The following FHIT variants were observed in gnomAD, a reference collection of about 807,000 sequenced individuals.
FHIT encodes the protein fragile histidine triad diadenosine triphosphatase, also known as bis(5'-adenosyl)-triphosphatase.
Under a neutral mutation model 17.9 loss-of-function variants are expected in FHIT, and 19 were observed. The observed-to-expected ratio is 1.06, with a 90% CI of 0.74 to 1.56. The LOEUF is 1.56. FHIT is among the 40% of genes most tolerant of loss of function. The pLI is 0.00. For synonymous variants in FHIT, 81 were observed against 69.7 expected (o/e 1.16, Z -0.81); for missense variants, 248 against 189.2 (o/e 1.31, Z -1.82).
At chr3:60,742,029 A>G (rs2042251566) in intron 4 of FHIT, among the ~76,000 whole-genome samples, 1 of 152,122 alleles carries the variant, frequency 6.6e-6, no homozygotes, top group Non-Finnish European at 1.5e-5. Context: ...TGATGCATGA[A>G]CCGTACTTGA....
At chr3:60,766,884 A>C (rs1019565677) in intron 4 of FHIT, among the ~76,000 whole-genome samples, 1 of 152,224 alleles carries the variant, frequency 6.6e-6, no homozygotes, top group African/African-American at 2.4e-5. Flanking sequence ...GTATTTCTAA[A>C]ATTGCATTCC....
intron 4 of FHIT, chr3:60,537,516 CA>C: frequency 1.1e-6 from 1 of 943,390 alleles, no homozygotes; most frequent in Non-Finnish European, 1.3e-6. Context: ...GTAAAATCTC[CA>C]AAATAAAGGA....
chr3:60,578,909 T>C (rs531428703), intron 4 of FHIT, among the ~76,000 whole-genome samples: 1 of 152,274 alleles, frequency 6.6e-6, no homozygotes. Context: ...TCTTCTTTTA[T>C]ATACCATGTC....
At chr3:60,692,668 T>C (rs1295683724) in intron 4 of FHIT, among the ~76,000 whole-genome samples, 1 of 152,130 alleles carries the variant, frequency 6.6e-6, no homozygotes, top group Non-Finnish European at 1.5e-5. Context: ...CTAATATCCA[T>C]CTATTTCAAA....
intron 1 of FHIT, among the ~76,000 whole-genome samples, chr3:61,207,775 G>A (rs1223072096): frequency 6.6e-6 from 1 of 152,028 alleles, no homozygotes; most frequent in Non-Finnish European, 1.5e-5. Flanking sequence ...ACCAGCTCCT[G>A]GATTCATTAA....
At chr3:60,805,625 G>A (rs1329699310) in intron 4 of FHIT, among the ~76,000 whole-genome samples, 1 of 151,830 alleles carries the variant, frequency 6.6e-6, no homozygotes, top group South Asian at 2.1e-4. Context: ...GCGCAATCTC[G>A]GCTCACTGCA....
intron 4 of FHIT, among the ~76,000 whole-genome samples, chr3:60,767,896 C>A (rs1212043061): frequency 6.6e-6 from 1 of 152,316 alleles, no homozygotes; most frequent in East Asian, 1.9e-4. Flanking sequence ...CACTCAGCAG[C>A]AGCTGTCTGT....
At chr3:61,037,737 A>G (rs2033326353) in intron 3 of FHIT, among the ~76,000 whole-genome samples, 1 of 152,208 alleles carries the variant, frequency 6.6e-6, no homozygotes, top group South Asian at 2.1e-4. Context: ...TCATGTGTGC[A>G]TGTCTTTTAT....
rs117807441 is a variant in FHIT, at chr3:59,939,289, C to T, written c.280-16875G>A. 4.6e-5 allele frequency among the ~76,000 whole-genome samples: 7 copies of T among 152,212 alleles called. No homozygotes were observed. The East Asian group carries it at 7.7e-4, about 17-fold the overall frequency. On this transcript the variant is annotated intron_variant, in intron 7 of 9. Coordinates refer to ENST00000492590, the MANE Select transcript of FHIT (RefSeq NM_002012.4). ...TGGAACCCTTCCTAACTTCAGTCTC[C>T]GTGGCTCACACAGACTGGCCATTAA...
At chr3:59,842,322 G>C (rs79473007) in intron 8 of FHIT, among the ~76,000 whole-genome samples, 8,220 of 152,244 alleles carry the variant, frequency 0.054, 272 homozygotes, top group Non-Finnish European at 0.076. Context: ...TGGATACTGA[G>C]TTGCTTCTAC....
intron 5 of FHIT, among the ~76,000 whole-genome samples, chr3:60,505,542 GA>G: frequency 6.6e-6 from 1 of 152,228 alleles, no homozygotes; most frequent in Admixed American, 6.5e-5. Context: ...AACTAATACA[GA>G]CGCACATTCT....
chr3:60,051,058 T>C lies in FHIT; in HGVS notation c.104-36906A>G, dbSNP rs567435114. Among the ~76,000 whole-genome samples, 38 of 152,262 alleles carry C rather than the reference T, an allele frequency of 2.5e-4. 2 individuals are homozygous for C. The South Asian group carries it at 7.7e-3, about 31-fold the overall frequency. ...GGGGACAGCAAAGGAGAAGTAATTA[T>C]AACACGGGGCATCAATGCTCTGCTA... On this transcript the variant is annotated intron_variant, in intron 5 of 9. Coordinates refer to ENST00000492590, the MANE Select transcript of FHIT (RefSeq NM_002012.4).
At chr3:59,918,787 G>A (rs778430818) in intron 8 of FHIT, among the ~76,000 whole-genome samples, 1 of 152,132 alleles carries the variant, frequency 6.6e-6, no homozygotes, top group Non-Finnish European at 1.5e-5. Context: ...TGAGCAATAT[G>A]CCTAACAGCA....
chr3:60,056,508 C>G (rs1405887108), intron 5 of FHIT, among the ~76,000 whole-genome samples: 1 of 152,228 alleles, frequency 6.6e-6, no homozygotes, highest in African/African-American at 2.4e-5. Context: ...TGTACCCAAA[C>G]CATCAGCAGT....
intron 5 of FHIT, among the ~76,000 whole-genome samples, chr3:60,467,283 T>C (rs1027279183): frequency 6.6e-6 from 1 of 151,956 alleles, no homozygotes; most frequent in Admixed American, 6.6e-5. Flanking sequence ...GATTTCTTTT[T>C]TCAAAAAAAC....
intron 5 of FHIT, among the ~76,000 whole-genome samples, chr3:60,014,849 G>A (rs1250840607): frequency 6.6e-6 from 1 of 152,056 alleles, no homozygotes. Context: ...CATTCTTAAT[G>A]CATTCTACAA....
intron 5 of FHIT, among the ~76,000 whole-genome samples, chr3:60,263,497 C>T (rs1444371117): frequency 6.6e-6 from 1 of 151,978 alleles, no homozygotes; most frequent in Non-Finnish European, 1.5e-5. Flanking sequence ...AACAATACTA[C>T]TCAGCAATGA....
intron 4 of FHIT, among the ~76,000 whole-genome samples, chr3:60,700,365 C>T (rs2107907038): frequency 6.6e-6 from 1 of 152,254 alleles, no homozygotes; most frequent in Non-Finnish European, 1.5e-5. Context: ...GGTCTCATAT[C>T]GTTCCAATTA....
intron 5 of FHIT, among the ~76,000 whole-genome samples, chr3:60,321,610 G>T (rs1256557125): frequency 6.6e-6 from 1 of 152,202 alleles, no homozygotes; most frequent in East Asian, 1.9e-4. Flanking sequence ...AAGCCTGTAG[G>T]AGAACTGCTG....
Sources: allele counts gnomAD v4.1 joint callset (sites outside exome capture counted in the v4.1 genomes callset), GRCh38; gene constraint gnomAD v4.1.1; transcripts MANE v1.5; gene names NCBI Gene and HGNC (gene_info 2026-07-23, HGNC 2026-07-21).